RGPD4: variants seen among roughly 807,000 people sequenced by gnomAD.
RGPD4 encodes the protein ranBP2-like and GRIP domain-containing protein 4.
RGPD4 carries 84 observed loss-of-function variants against 141.1 expected under a neutral mutation model. The ratio of observed to expected loss-of-function variants is 0.60; its 90% CI spans 0.50 to 0.71. The LOEUF (loss-of-function observed/expected upper bound fraction) is 0.71, where lower values mean the gene tolerates loss of function less well. RGPD4 is among the 30% of genes least tolerant of loss of function. RGPD4 has a pLI of 0.00. For synonymous variants in RGPD4, 298 were observed against 566.8 expected, an observed-to-expected ratio of 0.53 and a Z score of 6.74; for missense variants, 918 against 1,622.4, an observed-to-expected ratio of 0.57 and a Z score of 7.46.
intron 1 of RGPD4, among the ~76,000 whole-genome samples, chr2:107,829,015 G>T (rs1219095678): frequency 1.0e-4 from 1 of 9,594 alleles, no homozygotes; most frequent in Non-Finnish European, 2.3e-4. Flanking sequence ...CCGGCCCGGC[G>T]GCGGCCTCGA....
At chr2:107,852,502 G>A (rs1364504782) in intron 7 of RGPD4, among the ~76,000 whole-genome samples, 5 of 112,010 alleles carry the variant, frequency 4.5e-5, no homozygotes, top group East Asian at 4.4e-4. Flanking sequence ...TAGGCGATAC[G>A]AATATTTCTA....
intron 17 of RGPD4, among the ~76,000 whole-genome samples, chr2:107,865,214 G>A (rs1682684141): frequency 6.6e-6 from 1 of 152,062 alleles, no homozygotes; most frequent in Non-Finnish European, 1.5e-5. Context: ...TTTAAGATAG[G>A]AGCTAATATT....
intron 22 of RGPD4, among the ~76,000 whole-genome samples, chr2:107,884,340 T>G (rs1298582212): frequency 1.3e-5 from 2 of 152,216 alleles, no homozygotes. Context: ...GACCTTGTGA[T>G]CTGCCCACCT....
chr2:107,849,704 A>T (rs1682074227), intron 7 of RGPD4, among the ~76,000 whole-genome samples: 1 of 82,536 alleles, frequency 1.2e-5, no homozygotes, highest in South Asian at 4.6e-4. Flanking sequence ...AGCCTGCATA[A>T]CTTTTGAAAG....
intron 21 of RGPD4, among the ~76,000 whole-genome samples, chr2:107,881,326 CT>C (rs1286070648): frequency 0.041 from 5,634 of 138,230 alleles, 400 homozygotes; most frequent in African/African-American, 0.14. Context: ...GTTATATTTT[CT>C]TTTTTTTTTT....
chr2:107,840,433 C>T (rs1297024275), intron 4 of RGPD4, among the ~76,000 whole-genome samples: 6 of 152,280 alleles, frequency 3.9e-5, no homozygotes, highest in Non-Finnish European at 2.9e-5. Context: ...CTGCCTCAGC[C>T]TTCCGGGTAG....
intron 4 of RGPD4, among the ~76,000 whole-genome samples, chr2:107,840,230 A>AC (rs531554743): frequency 0.04 from 6,010 of 151,704 alleles, 219 homozygotes; most frequent in African/African-American, 0.14. Context: ...ACCTCTGGCA[A>AC]CATTAATCTG....
Position 107,883,285 on chromosome 2 carries a change from C to A in RGPD4, c.5266+412C>A, listed in dbSNP as rs915597987. On this transcript the variant is annotated intron_variant, in intron 22 of 22. Coordinates refer to ENST00000408999, the MANE Select transcript of RGPD4 (RefSeq NM_182588.3). ...CCTAAGACAATGGAGTCATATAGCCCAACACTTGGTCTATATACAGCAGTC... is the reference window on the plus strand; with the variant it reads ...CCTAAGACAATGGAGTCATATAGCCAAACACTTGGTCTATATACAGCAGTC... The A allele has an allele frequency of 5.0e-6, 2 of 398,162 alleles. 1 individual carries two copies. Among genetic ancestry groups the A allele is most frequent in the African/African-American group, 4.2e-5 (2 of 47,308 alleles). The allele number at this position is 398,162 out of a possible 1,614,324, so 24.7% of individuals were successfully genotyped here.
chr2:107,872,436 G>C lies in RGPD4; in HGVS notation c.4432G>C (p.Val1478Leu), dbSNP rs1360975827. ...AAAAGATTCTTTGATAACACCTCAT[G>C]TTTCTCGGTCAAGCACTCCCAGAGA... ...QEKDSLITPH[V>L]SRSSTPRESP... The change falls in exon 20 of 23, where the codon GTT (valine) becomes CTT (leucine). Residue 1478 changes from valine to leucine, a missense_variant. Val to Leu is a conservative substitution (Grantham distance 32). Coordinates refer to ENST00000408999, the MANE Select transcript of RGPD4 (RefSeq NM_182588.3). 1 of 1,568,276 alleles carries C rather than the reference G, an allele frequency of 6.4e-7. No homozygotes were observed. Among genetic ancestry groups the C allele is most frequent in the East Asian group, 2.3e-5 (1 of 44,238 alleles).
chr2:107,884,377 G>T (rs1241307912), intron 22 of RGPD4, among the ~76,000 whole-genome samples: 1 of 152,174 alleles, frequency 6.6e-6, no homozygotes, highest in Non-Finnish European at 1.5e-5. Context: ...TGGGATTACA[G>T]GTGTGAGACA....
rs768100136 is a variant in RGPD4, at chr2:107,871,775, T to C, written c.3771T>C (p.Asp1257=). ...GGGATAACTGTGATTTAAGGGAAGA[T>C]GCTTTGGATGATAGTGTCAGTAGTA... ...LEWDNCDLRE[D]ALDDSVSSSS... The change falls in exon 20 of 23, where the codon GAT becomes GAC. Residue 1257 remains aspartate (D), a synonymous_variant. Coordinates refer to ENST00000408999, the MANE Select transcript of RGPD4 (RefSeq NM_182588.3). 6 of 1,611,460 alleles carry C rather than the reference T, an allele frequency of 3.7e-6. No homozygotes were observed. The East Asian group carries it at 1.3e-4, about 36-fold the overall frequency.
chr2:107,845,328 A>G (rs1484018735), intron 6 of RGPD4, among the ~76,000 whole-genome samples: 3 of 133,588 alleles, frequency 2.2e-5, no homozygotes, highest in South Asian at 2.4e-4. Context: ...AAGCTTCACA[A>G]TTTCCTCTCA....
chr2:107,877,099 T>A (rs3868857), intron 20 of RGPD4, among the ~76,000 whole-genome samples: 1 of 151,490 alleles, frequency 6.6e-6, no homozygotes, highest in Non-Finnish European at 1.5e-5. Flanking sequence ...TTAGACCAGG[T>A]GTGGTGTCTC....
At chr2:107,844,195 T>C (rs1681834813) in intron 6 of RGPD4, among the ~76,000 whole-genome samples, 1 of 152,020 alleles carries the variant, frequency 6.6e-6, no homozygotes, top group South Asian at 2.1e-4. Flanking sequence ...AACTATGTGA[T>C]TTACCTTTTT....
rs1209206031 is a variant in RGPD4 at position 107,875,575 on chromosome 2, G to A, written c.4924+2647G>A. ...CCAGAAGTTCTTCTTTACATTAGTA[G>A]ATCAGAACAGGTTGCATATAGAAGT... On this transcript the variant is annotated intron_variant, in intron 20 of 22. Transcript: ENST00000408999. 1.3e-4 allele frequency among the ~76,000 whole-genome samples: 19 copies of A among 145,706 alleles called. 1 individual carries two copies. The highest frequency in any genetic ancestry group is 5.0e-4 in the African/African-American group (19 of 38,152).
intron 7 of RGPD4, among the ~76,000 whole-genome samples, chr2:107,849,699 G>C: frequency 1.3e-5 from 1 of 74,216 alleles, no homozygotes; most frequent in Non-Finnish European, 2.7e-5. Flanking sequence ...TAATGAGCCT[G>C]CATAACTTTT....
At chr2:107,830,024 G>A (rs1291287933) in intron 1 of RGPD4, among the ~76,000 whole-genome samples, 2 of 152,040 alleles carry the variant, frequency 1.3e-5, no homozygotes, top group East Asian at 3.9e-4. Context: ...ATTTGCAATG[G>A]CCGGACGGCG....
chr2:107,862,296 GA>G (rs1254721686), intron 15 of RGPD4, among the ~76,000 whole-genome samples: 1 of 130,572 alleles, frequency 7.7e-6, no homozygotes, highest in Non-Finnish European at 1.6e-5. Flanking sequence ...TGTCACCATT[GA>G]AAATCAGTTA....
At chr2:107,857,438 CTTG>C (rs1468502755) in intron 9 of RGPD4, among the ~76,000 whole-genome samples, 16 of 148,238 alleles carry the variant, frequency 1.1e-4, no homozygotes, top group Middle Eastern at 6.9e-3. Flanking sequence ...CGTGACCAGC[CTTG>C]TTGTATTTTG....
Sources: gnomAD v4.1 joint callset for allele counts (sites outside exome capture counted in the v4.1 genomes callset) on GRCh38, gnomAD v4.1.1 for gene constraint, MANE v1.5 for transcripts, NCBI Gene and HGNC (gene_info 2026-07-23, HGNC 2026-07-21) for gene names.